ADAMTSL1: variants seen among roughly 807,000 people sequenced by gnomAD.
ADAMTSL1 encodes the protein ADAMTS like 1.
In ADAMTSL1, 126 loss-of-function variants were observed where a neutral mutation model predicts 201.8. That is an observed-to-expected ratio of 0.62 (90% CI 0.54 to 0.72). The LOEUF is 0.72. Among genes scored for constraint, ADAMTSL1 ranks in the 30% least tolerant of loss-of-function variants. ADAMTSL1 has a pLI of 0.00. For missense variants in ADAMTSL1, 2,679 were observed against 2,277.8 expected (o/e 1.18, Z -3.59); for synonymous variants, 1,121 against 903.4 (o/e 1.24, Z -4.32).
At chr9:18,321,453 A>C (rs1834614724) in intron 2 of ADAMTSL1, among the ~76,000 whole-genome samples, 2 of 152,220 alleles carry the variant, frequency 1.3e-5, no homozygotes, top group Admixed American at 1.3e-4. Flanking sequence ...ACTGTCAATC[A>C]CCTTGACCTG....
chr9:18,059,412 G>A (rs1412858988), intron 1 of ADAMTSL1, among the ~76,000 whole-genome samples: 3 of 152,132 alleles, frequency 2.0e-5, no homozygotes, highest in Non-Finnish European at 4.4e-5. Context: ...ATTGGAATGT[G>A]TATAAAATTT....
intron 2 of ADAMTSL1, among the ~76,000 whole-genome samples, chr9:18,277,147 T>C (rs1832616928): frequency 6.6e-6 from 1 of 152,222 alleles, no homozygotes; most frequent in African/African-American, 2.4e-5. Context: ...TTGAGACTTG[T>C]TTTGTGACTT....
intron 1 of ADAMTSL1, among the ~76,000 whole-genome samples, chr9:18,116,052 T>C (rs1271982410): frequency 6.6e-6 from 1 of 152,178 alleles, no homozygotes; most frequent in Non-Finnish European, 1.5e-5. Context: ...CCAGCACTAT[T>C]AGAGGAAGCA....
chr9:18,211,586 A>T (rs1408459779), intron 2 of ADAMTSL1, among the ~76,000 whole-genome samples: 1 of 152,168 alleles, frequency 6.6e-6, no homozygotes, highest in Non-Finnish European at 1.5e-5. Flanking sequence ...ACATGTCCCC[A>T]CTCAGCCAAA....
intron 2 of ADAMTSL1, among the ~76,000 whole-genome samples, chr9:18,319,926 T>A (rs1834554255): frequency 6.6e-6 from 1 of 152,060 alleles, no homozygotes; most frequent in Admixed American, 6.5e-5. Flanking sequence ...CAGAGAAACA[T>A]ATGAGTAGAA....
chr9:17,949,574 A>G (rs1393448674), intron 1 of ADAMTSL1, among the ~76,000 whole-genome samples: 1 of 152,124 alleles, frequency 6.6e-6, no homozygotes, highest in Admixed American at 6.6e-5. Flanking sequence ...TTTGTTCAGA[A>G]TCCTGCATCC....
chr9:18,677,581 G>T (rs1284366716), intron 10 of ADAMTSL1, among the ~76,000 whole-genome samples: 2 of 151,976 alleles, frequency 1.3e-5, no homozygotes, highest in Non-Finnish European at 2.9e-5. Context: ...TTCCTGTAAA[G>T]GCAACTCCTA....
chr9:18,706,231 T>C (rs1271391722), intron 13 of ADAMTSL1, among the ~76,000 whole-genome samples: 1 of 152,208 alleles, frequency 6.6e-6, no homozygotes, highest in Admixed American at 6.5e-5. Context: ...CTACGGCATT[T>C]GTAAACTGTC....
intron 1 of ADAMTSL1, among the ~76,000 whole-genome samples, chr9:18,149,442 G>C (rs1175304061): frequency 6.6e-6 from 1 of 151,934 alleles, no homozygotes; most frequent in Non-Finnish European, 1.5e-5. Context: ...TTTAAAAGGA[G>C]GTTAAGTTTA....
rs12378851 is a variant in ADAMTSL1, at chr9:17,998,233, C to T, written c.87+91311C>T. Among the ~76,000 whole-genome samples, 323 of 152,120 alleles carry T rather than the reference C, an allele frequency of 2.1e-3. 3 individuals are homozygous for T. The highest frequency in any genetic ancestry group is 2.1e-3 in the Non-Finnish European group (142 of 67,974). On this transcript the variant is annotated intron_variant, in intron 1 of 29. Coordinates refer to the ADAMTSL1 transcript ENST00000680146. ...CCTACGCATGTGGAAATTCAAGCAC[C>T]ATGTCCTTTATTAATGGAAACCAAT...
intron 2 of ADAMTSL1, among the ~76,000 whole-genome samples, chr9:18,365,621 G>GT (rs1227208872): frequency 1.3e-5 from 2 of 152,170 alleles, no homozygotes; most frequent in African/African-American, 4.8e-5. Context: ...AACAAGAGCA[G>GT]TTTTTTAGGC....
intron 23 of ADAMTSL1, among the ~76,000 whole-genome samples, chr9:18,851,215 C>A (rs1235743984): frequency 6.6e-6 from 1 of 151,766 alleles, no homozygotes; most frequent in African/African-American, 2.4e-5. Flanking sequence ...CAAGGTGTGG[C>A]CCCTGACATC....
intron 1 of ADAMTSL1, among the ~76,000 whole-genome samples, chr9:18,101,829 G>A (rs1824537060): frequency 6.6e-6 from 1 of 152,196 alleles, no homozygotes; most frequent in African/African-American, 2.4e-5. Context: ...GTGTGCGTAT[G>A]CAGGTATGCA....
intron 1 of ADAMTSL1, among the ~76,000 whole-genome samples, chr9:17,947,947 C>A (rs1417373373): frequency 6.6e-6 from 1 of 152,130 alleles, no homozygotes; most frequent in Admixed American, 6.6e-5. Flanking sequence ...AAACAACTAC[C>A]AATTTTTGAA....
chr9:18,055,534 G>T (rs550883575), intron 1 of ADAMTSL1, among the ~76,000 whole-genome samples: 67 of 152,318 alleles, frequency 4.4e-4, no homozygotes, highest in African/African-American at 1.6e-3. Flanking sequence ...TACATTAAAT[G>T]CTTAATATAT....
intron 4 of ADAMTSL1, among the ~76,000 whole-genome samples, chr9:18,588,645 A>G (rs1823679462): frequency 6.6e-6 from 1 of 151,820 alleles, no homozygotes; most frequent in Non-Finnish European, 1.5e-5. Flanking sequence ...TTACTAAAAA[A>G]TGGGGCTCTA....
At chr9:18,138,346 C>T (rs1826249733) in intron 1 of ADAMTSL1, among the ~76,000 whole-genome samples, 1 of 152,076 alleles carries the variant, frequency 6.6e-6, no homozygotes, top group Non-Finnish European at 1.5e-5. Flanking sequence ...AGATAGATAT[C>T]TCCCCAATTA....
At chr9:18,207,640 C>T in intron 2 of ADAMTSL1, among the ~76,000 whole-genome samples, 1 of 152,252 alleles carries the variant, frequency 6.6e-6, no homozygotes, top group Middle Eastern at 3.4e-3. Context: ...TGGTCCGATG[C>T]TAGTCATTTT....
At chr9:18,530,772 T>G (rs1227900965) in intron 2 of ADAMTSL1, among the ~76,000 whole-genome samples, 1 of 152,124 alleles carries the variant, frequency 6.6e-6, no homozygotes, top group Non-Finnish European at 1.5e-5. Flanking sequence ...TTCTCATAAT[T>G]CCAGGAGATA....
Sources: allele counts gnomAD v4.1 joint callset (sites outside exome capture counted in the v4.1 genomes callset), GRCh38; gene constraint gnomAD v4.1.1; transcripts MANE v1.5; gene names NCBI Gene and HGNC (gene_info 2026-07-23, HGNC 2026-07-21).